The following C3 variants were observed in gnomAD, a reference collection of about 807,000 sequenced individuals.
The protein encoded by C3 is C3 and PZP-like alpha-2-macroglobulin domain-containing protein 1.
Under a neutral mutation model 207.9 loss-of-function variants are expected in C3, and 97 were observed. The ratio of observed to expected loss-of-function variants is 0.47; its 90% CI spans 0.40 to 0.55. The LOEUF is 0.55. C3 is among the 20% of genes least tolerant of loss of function. C3 has a pLI of 0.00. For synonymous variants in C3, 848 were observed against 857.6 expected, an observed-to-expected ratio of 0.99 and a Z score of 0.20; for missense variants, 1,684 against 2,171.7, an observed-to-expected ratio of 0.78 and a Z score of 4.46.
At position 6,718,348 on chromosome 19, in the gene C3, G is replaced by C; in HGVS notation, c.332C>G (p.Thr111Ser). ...CTTCTCCACCACTTGGGTCCCGAAG[G>C]TGGCCTGCACGGTCACGAACTTGTT... is the stretch of plus-strand genomic sequence containing the variant. ...GRNKFVTVQA[T>S]FGTQVVEKVV... The change falls in exon 3 of 41, where the codon ACC becomes AGC. Residue 111 changes from threonine (T) to serine (S), a missense_variant. Physicochemically the swap from Thr to Ser is moderately conservative, Grantham distance 58 (BLOSUM62 1). This residue lies in a region of C3 where 1,280 missense variants were observed against 1,739.1 expected (regional missense o/e 0.74). Coordinates refer to ENST00000245907, the MANE Select transcript of C3 (RefSeq NM_000064.4). 6.2e-7 allele frequency: 1 copy of C among 1,614,240 alleles called. No homozygotes were observed. The highest frequency in any genetic ancestry group is 1.1e-5 in the South Asian group (1 of 91,088).
chr19:6,709,972 A>AGG, intron 13 of C3, 130 bp from the exon 14 acceptor site: 1 of 482,410 alleles, frequency 2.1e-6, no homozygotes, highest in South Asian at 1.9e-5. Context: ...GGAGGGGGAG[A>AGG]GAGAGGGAGA....
intron 26 of C3, among the ~76,000 whole-genome samples, chr19:6,692,210 C>T (rs1025891766): frequency 6.6e-6 from 1 of 152,220 alleles, no homozygotes; most frequent in African/African-American, 2.4e-5. Context: ...TCAAGCCATC[C>T]TCCTGCCTCG....
rs750854072 is a variant in C3 at position 6,714,390 on chromosome 19, G to A, written c.561C>T (p.Gly187=). ...GAATGTCCCAAGACAAGGGCAAGAC[G>A]CCAAGCTGGTTCTGAGAAGACAAGG... is the stretch of plus-strand genomic sequence containing the variant. The part of the protein sequence containing the change: ...QDSLSSQNQL[G]VLPLSWDIPE... The change falls in exon 5 of 41, where the codon GGC becomes GGT. Residue 187 remains glycine (G), a synonymous_variant. Transcript: ENST00000245907. The A allele has an allele frequency of 9.3e-6, 15 of 1,613,708 alleles. No homozygotes were observed. The highest frequency in any genetic ancestry group is 2.7e-5 in the African/African-American group (2 of 74,944).
rs189712159 is a variant in C3 at position 6,691,906 on chromosome 19, G to A, written c.3390+1018C>T. Reference sequence around the variant, plus strand: ...GGAGGTTGAGGTAGGAGAATTGCTTGAACCTGGGAGGTGGAGGTTGCAGTG... The same window carrying A: ...GGAGGTTGAGGTAGGAGAATTGCTTAAACCTGGGAGGTGGAGGTTGCAGTG... On this transcript the variant is annotated intron_variant, in intron 26 of 40. Coordinates refer to ENST00000245907, the MANE Select transcript of C3 (RefSeq NM_000064.4). 2.6e-3 allele frequency among the ~76,000 whole-genome samples: 388 copies of A among 151,972 alleles called. 3 individuals carry two copies. The highest frequency in any genetic ancestry group is 6.8e-3 in the African/African-American group (283 of 41,436).
rs772417870 is a variant in C3 at position 6,707,135 on chromosome 19, T to C, written c.2186A>G (p.Asn729Ser). The change falls in exon 17 of 41, where the codon AAC (asparagine) becomes AGC (serine). Residue 729 changes from asparagine to serine, a missense_variant. Physicochemically the swap from Asn to Ser is conservative, Grantham distance 46. Around this residue, in one of 3 missense-constraint regions of C3, gnomAD observed 1,280 missense variants for 1,739.1 expected, o/e 0.74. Transcript: ENST00000245907. ...CTGCCGCCGCAGCTCTGTGATGTAG[T>C]TGCAGCAGTCCAGGAAGACCTTCTT... ...ACKKVFLDCC[N>S]YITELRRQHA... 13 of 1,613,454 alleles carry C rather than the reference T, an allele frequency of 8.1e-6. 1 individual carries two copies. In the South Asian group the frequency reaches 1.4e-4, roughly 18 times the overall value.
intron 26 of C3, among the ~76,000 whole-genome samples, chr19:6,691,055 CTT>C (rs112828808): frequency 3.9e-4 from 52 of 131,716 alleles, no homozygotes; most frequent in African/African-American, 9.9e-4. Flanking sequence ...GAGATATACA[CTT>C]TTTTTTTTTT....
At chr19:6,682,052 G>GA in intron 34 of C3, 22 bp from the exon 35 acceptor site, 2 of 1,610,452 alleles carry the variant, frequency 1.2e-6, no homozygotes, top group Non-Finnish European at 1.7e-6. Context: ...TGGAGCCTGT[G>GA]AAAAATCCCT....
At chr19:6,706,586 CCAA>C (rs1967777612) in intron 17 of C3, among the ~76,000 whole-genome samples, 1 of 152,056 alleles carries the variant, frequency 6.6e-6, no homozygotes, top group Non-Finnish European at 1.5e-5. Flanking sequence ...GCCTCCTCTC[CCAA>C]CAGACAGAGG....
At chr19:6,692,380 G>A (rs1918190756) in intron 26 of C3, among the ~76,000 whole-genome samples, 2 of 152,186 alleles carry the variant, frequency 1.3e-5, no homozygotes, top group Non-Finnish European at 2.9e-5. Flanking sequence ...CACAGGGGGA[G>A]CCACGGGACT....
chr19:6,690,787 T>G, intron 26 of C3, 60 bp from the exon 27 acceptor site: 1 of 1,314,026 alleles, frequency 7.6e-7, no homozygotes, highest in Non-Finnish European at 1.1e-6. Flanking sequence ...ATGGCAGTCA[T>G]CCCCCCTTGC....
Position 6,685,113 on chromosome 19 carries a change from A to G in C3, c.3844T>C (p.Tyr1282His). The G allele has an allele frequency of 1.9e-6, 3 of 1,613,998 alleles. No homozygotes were observed. The highest frequency in any genetic ancestry group is 2.5e-6 in the Non-Finnish European group (3 of 1,179,950). ...TGGTGGTCAGGGGCGTCCTTTTGGT[A>G]TTGAGCCAAGGCTTGGAACACCATG... ...TFMVFQALAQYQKDAPDHQEL... is the reference protein window; with the variant it reads ...TFMVFQALAQHQKDAPDHQEL... The change falls in exon 30 of 41, where the codon TAC (tyrosine) becomes CAC (histidine). Residue 1282 changes from tyrosine (Y) to histidine (H), a missense_variant. This residue lies in a region of C3 where 1,280 missense variants were observed against 1,739.1 expected (regional missense o/e 0.74). Transcript: ENST00000245907.
chr19:6,686,678 C>T, intron 28 of C3, 68 bp downstream of exon 28: 3 of 1,514,724 alleles, frequency 2.0e-6, no homozygotes, highest in East Asian at 2.2e-5. Flanking sequence ...CCATGCATCC[C>T]AGCTCAGTAT....
intron 14 of C3, among the ~76,000 whole-genome samples, chr19:6,709,186 C>T (rs1040869104): frequency 2.0e-5 from 3 of 152,290 alleles, no homozygotes; most frequent in Admixed American, 1.3e-4. Context: ...CAGTGGCTCA[C>T]GCCTGTAATC....
chr19:6,704,425 AC>A (rs1274190578), intron 17 of C3, among the ~76,000 whole-genome samples: 5 of 152,176 alleles, frequency 3.3e-5, no homozygotes, highest in African/African-American at 1.2e-4. Context: ...GATCTCCATA[AC>A]AACAAAGTAG....
At chr19:6,705,306 A>AT (rs1325911667) in intron 17 of C3, among the ~76,000 whole-genome samples, 5 of 148,206 alleles carry the variant, frequency 3.4e-5, no homozygotes, top group African/African-American at 1.2e-4. Context: ...ATTTGCTTGA[A>AT]TTTTTTCTTT....
In C3 at chr19:6,715,715, G is replaced by A. The variant is rs1244456304; in HGVS notation, c.505-1269C>T. ...CGGCTCACTGCAGGCTCCGCCTCCC[G>A]GGTTCACACCATTCTCCTGCCTCAG... On this transcript the variant is annotated intron_variant, in intron 4 of 40. Transcript: ENST00000245907. Among the ~76,000 whole-genome samples, 3 of 148,500 alleles carry A rather than the reference G, an allele frequency of 2.0e-5. No individual in the cohort carries two copies. The Admixed American group carries it at 2.1e-4, about 10-fold the overall frequency.
intron 9 of C3, 35 bp from the exon 10 acceptor site, chr19:6,712,658 C>T: frequency 6.4e-7 from 1 of 1,567,828 alleles, no homozygotes; most frequent in African/African-American, 1.4e-5. Context: ...GGCTTCTGGG[C>T]CACCCCTCAG....
chr19:6,711,153 G>A lies in C3; in HGVS notation c.1313C>T (p.Thr438Ile). ...KQELSEAEQA[T>I]RTMQALPYST... ...GTAGGGCAGAGCCTGCATGGTCCTG[G>A]TAGCCTGCTCTGCCTCCGAGAGCTC... Residue 438 changes from threonine to isoleucine, a missense_variant, in exon 12 of 41, where the codon ACC becomes ATC. Coordinates refer to ENST00000245907, the MANE Select transcript of C3 (RefSeq NM_000064.4). The A allele has an allele frequency of 6.2e-7, 1 of 1,613,960 alleles. No individual in the cohort carries two copies. The highest frequency in any genetic ancestry group is 8.5e-7 in the Non-Finnish European group (1 of 1,179,992).
At chr19:6,691,387 G>A (rs1049798039) in intron 26 of C3, among the ~76,000 whole-genome samples, 5 of 152,130 alleles carry the variant, frequency 3.3e-5, no homozygotes, top group Non-Finnish European at 5.9e-5. Flanking sequence ...TGAGTTCTGT[G>A]CAAGGGAAAG....
Sources: allele counts gnomAD v4.1 joint callset (sites outside exome capture counted in the v4.1 genomes callset), GRCh38; gene constraint gnomAD v4.1.1; regional missense constraint gnomAD v4.1.1; transcripts MANE v1.5; gene names NCBI Gene and HGNC (gene_info 2026-07-23, HGNC 2026-07-21).